Variants in PDE11A observed in about 807,000 individuals in gnomAD.
PDE11A encodes phosphodiesterase 11A.
PDE11A carries 100 observed loss-of-function variants against 100.5 expected under a neutral mutation model. The observed-to-expected ratio is 1.00, with a 90% confidence interval of 0.85 to 1.18. PDE11A has a LOEUF of 1.18. Ranked by LOEUF, PDE11A falls within the 50% of genes most tolerant of loss-of-function variation. PDE11A has a pLI of 0.00. For synonymous variants in PDE11A, 381 were observed against 420.8 expected (o/e 0.91, Z 1.16); for missense variants, 1,141 against 1,152.6 (o/e 0.99, Z 0.15).
At position 177,649,602 on chromosome 2, in the gene PDE11A, T is replaced by C. The variant is rs375420490; in HGVS notation, c.2646+14264A>G. On this transcript the variant is annotated intron_variant, in intron 19 of 19. Transcript: ENST00000286063. The stretch of plus-strand genomic sequence containing the variant: ...GATACATATGTGTGAGCATAGTATA[T>C]ATAGATGCATGCATATGCACTATAT... Among the ~76,000 whole-genome samples the C allele has an allele frequency of 1.5e-4, 23 of 152,332 alleles. No homozygotes were observed. In the East Asian group the frequency reaches 2.9e-3, roughly 19 times the overall value.
chr2:177,769,381 A>G lies in PDE11A; in HGVS notation c.1738-8T>C. ...TGCATGGTATGATAGCACCTGATTC[A>G]GAAGAAAAAAAAATAATTTTAATAA... On this transcript the variant is annotated splice_region_variant and splice_polypyrimidine_tract_variant and intron_variant, in intron 9 of 19. Coordinates refer to ENST00000286063, the MANE Select transcript of PDE11A (RefSeq NM_016953.4). 1 of 1,539,308 alleles carries G rather than the reference A, an allele frequency of 6.5e-7. No homozygotes were observed. Among genetic ancestry groups the G allele is most frequent in the Non-Finnish European group, 9.0e-7 (1 of 1,111,902 alleles).
chr2:177,691,183 G>C (rs914669828), intron 15 of PDE11A, among the ~76,000 whole-genome samples: 6 of 152,178 alleles, frequency 3.9e-5, no homozygotes, highest in Non-Finnish European at 5.9e-5. Flanking sequence ...ATCACAACCT[G>C]TTGAGGATCA....
At chr2:177,851,345 T>G (rs370847489) in intron 5 of PDE11A, among the ~76,000 whole-genome samples, 1 of 151,714 alleles carries the variant, frequency 6.6e-6, no homozygotes, top group African/African-American at 2.4e-5. Flanking sequence ...ATGAGAACAC[T>G]TGGACACAGG....
chr2:177,801,699 A>G (rs1400728728), intron 9 of PDE11A, among the ~76,000 whole-genome samples: 1 of 152,156 alleles, frequency 6.6e-6, no homozygotes, highest in African/African-American at 2.4e-5. Context: ...ATGAACCTCA[A>G]TGGCTATCAA....
chr2:177,790,077 C>T (rs542929756), intron 9 of PDE11A, among the ~76,000 whole-genome samples: 1 of 152,164 alleles, frequency 6.6e-6, no homozygotes, highest in African/African-American at 2.4e-5. Flanking sequence ...GCCCGCATCA[C>T]CAAGTCAGTC....
chr2:177,862,352 G>T (rs896381266), intron 5 of PDE11A, among the ~76,000 whole-genome samples: 3 of 151,788 alleles, frequency 2.0e-5, no homozygotes, highest in African/African-American at 7.2e-5. Flanking sequence ...AAACTACAAT[G>T]AGATGCCTCT....
chr2:178,025,648 G>T (rs900378234), intron 1 of PDE11A, among the ~76,000 whole-genome samples: 4 of 152,182 alleles, frequency 2.6e-5, no homozygotes, highest in African/African-American at 9.6e-5. Flanking sequence ...AGAAAATGAT[G>T]AATTCTTAAA....
intron 10 of PDE11A, among the ~76,000 whole-genome samples, chr2:177,729,009 T>C (rs2081644030): frequency 6.6e-6 from 1 of 152,164 alleles, no homozygotes; most frequent in East Asian, 1.9e-4. Flanking sequence ...ACTTTTATAT[T>C]TTCAGGTTAT....
At position 177,629,544 on chromosome 2, in the gene PDE11A, C is replaced by T. The variant is rs75437575; in HGVS notation, c.2665G>A (p.Val889Met). Residue 889 changes from valine (V) to methionine (M), a missense_variant, in exon 20 of 20, where the codon GTG (valine) becomes ATG (methionine). Physicochemically the swap from Val to Met is conservative, Grantham distance 21 (BLOSUM62 1). Coordinates refer to ENST00000286063, the MANE Select transcript of PDE11A (RefSeq NM_016953.4). The part of the protein sequence containing the change: ...PLYQALVKVN[V>M]KLKPMLDSVA... The stretch of plus-strand genomic sequence containing the variant: ...GAATCTAGCATCGGCTTCAGTTTCA[C>T]GTTGACCTTCACCAGTGCCTAAAAC... 18 of 1,609,334 alleles carry T rather than the reference C, an allele frequency of 1.1e-5. No individual in the cohort carries two copies. Among genetic ancestry groups the T allele is most frequent in the Non-Finnish European group, 1.5e-5 (18 of 1,177,342 alleles).
chr2:177,810,566 C>A (rs1297813481), intron 9 of PDE11A, among the ~76,000 whole-genome samples: 1 of 152,030 alleles, frequency 6.6e-6, no homozygotes, highest in Non-Finnish European at 1.5e-5. Flanking sequence ...GAGCAGAGAT[C>A]AGATGGCAGA....
chr2:178,036,443 T>C (rs2086615207), intron 1 of PDE11A, among the ~76,000 whole-genome samples: 2 of 152,222 alleles, frequency 1.3e-5, no homozygotes, highest in Admixed American at 1.3e-4. Context: ...ATGGTCATAC[T>C]GCCCAAAGTA....
intron 10 of PDE11A, among the ~76,000 whole-genome samples, chr2:177,746,350 T>A (rs532626189): frequency 1.3e-5 from 2 of 151,854 alleles, no homozygotes; most frequent in African/African-American, 2.4e-5. Context: ...GGCGGATAGA[T>A]CTGGGAGGAA....
intron 2 of PDE11A, among the ~76,000 whole-genome samples, chr2:177,919,559 AT>A (rs1374794659): frequency 1.3e-5 from 2 of 152,200 alleles, no homozygotes; most frequent in Non-Finnish European, 2.9e-5. Context: ...AAGCAAAAAA[AT>A]GATCATCTTA....
At chr2:177,786,323 G>C (rs1406225656) in intron 9 of PDE11A, among the ~76,000 whole-genome samples, 5 of 152,128 alleles carry the variant, frequency 3.3e-5, no homozygotes, top group African/African-American at 4.8e-5. Flanking sequence ...CTGCAGCTGA[G>C]GGTCCTGTCT....
rs369561136 is a variant in PDE11A, at chr2:177,840,232, C to T, written c.1500+19G>A. ...CGACAACTGAAACTTAGGATTGCAA[C>T]CAGAGGGGCTCCTCTTACCTCTGCA... is the stretch of plus-strand genomic sequence containing the variant. On this transcript the variant is annotated intron_variant, in intron 6 of 19. Transcript: ENST00000286063. 2 of 1,613,168 alleles carry T rather than the reference C, an allele frequency of 1.2e-6. No homozygotes were observed. Among genetic ancestry groups the T allele is most frequent in the Non-Finnish European group, 8.5e-7 (1 of 1,179,186 alleles).
intron 4 of PDE11A, among the ~76,000 whole-genome samples, chr2:177,888,086 G>C (rs181424461): frequency 5.9e-4 from 90 of 152,244 alleles, no homozygotes; most frequent in African/African-American, 2.0e-3. Flanking sequence ...CACCCAAATT[G>C]ATCCATAAAT....
At chr2:177,939,188 T>C (rs2085314083) in intron 2 of PDE11A, among the ~76,000 whole-genome samples, 1 of 152,168 alleles carries the variant, frequency 6.6e-6, no homozygotes, top group Non-Finnish European at 1.5e-5. Flanking sequence ...GATGTTTTGC[T>C]AGGCTAAACA....
intron 4 of PDE11A, among the ~76,000 whole-genome samples, chr2:177,890,254 C>T (rs1256730239): frequency 6.6e-6 from 1 of 152,166 alleles, no homozygotes; most frequent in Non-Finnish European, 1.5e-5. Context: ...TATCCTGATA[C>T]ATCAACAGCC....
At chr2:177,712,212 T>C (rs978432532) in intron 12 of PDE11A, among the ~76,000 whole-genome samples, 1 of 152,202 alleles carries the variant, frequency 6.6e-6, no homozygotes, top group Admixed American at 6.5e-5. Flanking sequence ...TTATTATACA[T>C]TTTAATGATG....
Sources: gnomAD v4.1 joint callset for allele counts (sites outside exome capture counted in the v4.1 genomes callset) on GRCh38, gnomAD v4.1.1 for gene constraint, MANE v1.5 for transcripts, NCBI Gene and HGNC (gene_info 2026-07-23, HGNC 2026-07-21) for gene names.